The following LIPI variants were observed in gnomAD, a reference collection of about 807,000 sequenced individuals.
LIPI encodes lipase I.
A neutral mutation model predicts 50.6 loss-of-function variants in LIPI; 59 were observed. The ratio of observed to expected loss-of-function variants is 1.16; its 90% confidence interval spans 0.94 to 1.45. LIPI has a LOEUF of 1.45. LIPI is among the 40% of genes most tolerant of loss of function. The probability of loss-of-function intolerance (pLI) is 0.00; values close to 1 mark genes in which losing one functional copy is unlikely to be tolerated. For synonymous variants in LIPI, 203 were observed against 178.2 expected, an observed-to-expected ratio of 1.14 and a Z score of -1.11; for missense variants, 586 against 536.3, an observed-to-expected ratio of 1.09 and a Z score of -0.92.
chr21:14,147,960 A>C (rs990636175), intron 8 of LIPI, among the ~76,000 whole-genome samples: 1 of 151,930 alleles, frequency 6.6e-6, no homozygotes, highest in African/African-American at 2.4e-5. Flanking sequence ...GCTCCCTCTA[A>C]TCTCTCCATT....
At chr21:14,140,500 G>C (rs1286500914) in intron 9 of LIPI, among the ~76,000 whole-genome samples, 2 of 151,874 alleles carry the variant, frequency 1.3e-5, no homozygotes, top group South Asian at 4.1e-4. Context: ...TTTTAATTTT[G>C]TATATTTGTA....
intron 9 of LIPI, among the ~76,000 whole-genome samples, chr21:14,125,629 C>G (rs192424772): frequency 1.7e-4 from 26 of 152,330 alleles, no homozygotes; most frequent in Admixed American, 4.6e-4. Context: ...GCGATCTCTG[C>G]TCACTGCAAC....
At chr21:14,141,769 T>C (rs1004291526) in intron 9 of LIPI, among the ~76,000 whole-genome samples, 1 of 152,234 alleles carries the variant, frequency 6.6e-6, no homozygotes, top group Non-Finnish European at 1.5e-5. Flanking sequence ...ACTAAATTTC[T>C]GTTTCTCATC....
At chr21:14,170,698 A>C (rs1292788547) in intron 4 of LIPI, among the ~76,000 whole-genome samples, 1 of 152,104 alleles carries the variant, frequency 6.6e-6, no homozygotes, top group Non-Finnish European at 1.5e-5. Flanking sequence ...TAAATTAGGT[A>C]TTGATGGGAT....
intron 9 of LIPI, among the ~76,000 whole-genome samples, chr21:14,135,648 C>T (rs7278182): frequency 0.027 from 4,150 of 152,256 alleles, 184 homozygotes; most frequent in African/African-American, 0.091. Flanking sequence ...ATCCCAGTAG[C>T]CTAAACTTTA....
intron 1 of LIPI, among the ~76,000 whole-genome samples, chr21:14,205,755 A>ATT (rs1428573839): frequency 6.6e-6 from 1 of 152,120 alleles, no homozygotes; most frequent in Non-Finnish European, 1.5e-5. Flanking sequence ...ACTTCAGTTA[A>ATT]TTAAGAATAA....
At chr21:14,117,797 A>G (rs146219122) in intron 9 of LIPI, among the ~76,000 whole-genome samples, 1 of 152,284 alleles carries the variant, frequency 6.6e-6, no homozygotes, top group East Asian at 1.9e-4. Context: ...AACATTCCCC[A>G]GCTTATCCAG....
At chr21:14,181,912 CA>C (rs2019285667) in intron 3 of LIPI, 53 bp from the exon 4 acceptor site, 1 of 907,102 alleles carries the variant, frequency 1.1e-6, no homozygotes. Context: ...GAGCTCCTTA[CA>C]TTGCATACTT....
intron 1 of LIPI, among the ~76,000 whole-genome samples, chr21:14,200,724 C>T (rs960343361): frequency 1.3e-5 from 2 of 151,794 alleles, no homozygotes; most frequent in Non-Finnish European, 2.9e-5. Context: ...TCCTATTAAA[C>T]TACCATTGAG....
intron 9 of LIPI, among the ~76,000 whole-genome samples, chr21:14,124,526 C>T (rs2016982734): frequency 6.6e-6 from 1 of 152,110 alleles, no homozygotes. Context: ...TCCTGCTTCA[C>T]CTCTCTAGGG....
intron 7 of LIPI, among the ~76,000 whole-genome samples, chr21:14,155,333 G>A (rs1396777812): frequency 6.6e-6 from 1 of 151,858 alleles, no homozygotes; most frequent in Non-Finnish European, 1.5e-5. Flanking sequence ...AAAGCCTCAG[G>A]GATCTGTGGG....
At chr21:14,206,979 A>G in intron 1 of LIPI, 1 of 1,184,478 alleles carries the variant, frequency 8.4e-7, no homozygotes, top group East Asian at 2.4e-5. Flanking sequence ...TATAATAAGA[A>G]GGAAGACCCT....
chr21:14,187,196 C>T (rs2019485499), intron 2 of LIPI, among the ~76,000 whole-genome samples: 1 of 152,070 alleles, frequency 6.6e-6, no homozygotes, highest in Non-Finnish European at 1.5e-5. Context: ...GTCTGAATAC[C>T]TCTTAGTCTC....
At chr21:14,177,702 C>T (rs1342477126) in intron 4 of LIPI, among the ~76,000 whole-genome samples, 3 of 152,010 alleles carry the variant, frequency 2.0e-5, no homozygotes, top group Non-Finnish European at 1.5e-5. Flanking sequence ...CATTTATCAC[C>T]CAAAATCATA....
chr21:14,178,172 T>G (rs2019156758), intron 4 of LIPI, among the ~76,000 whole-genome samples: 1 of 152,168 alleles, frequency 6.6e-6, no homozygotes, highest in African/African-American at 2.4e-5. Flanking sequence ...GAGATTAATC[T>G]TTATTATTTT....
At chr21:14,191,592 A>G (rs1408094791) in intron 1 of LIPI, among the ~76,000 whole-genome samples, 4 of 152,152 alleles carry the variant, frequency 2.6e-5, no homozygotes, top group Admixed American at 2.0e-4. Flanking sequence ...AACTAAGTAT[A>G]TTCTATACAA....
chr21:14,170,436 C>T (rs2018854588), intron 4 of LIPI, among the ~76,000 whole-genome samples: 1 of 152,142 alleles, frequency 6.6e-6, no homozygotes, highest in South Asian at 2.1e-4. Flanking sequence ...GACCAATATC[C>T]TTGATGAACA....
At chr21:14,196,108 C>T (rs1490183590) in intron 1 of LIPI, among the ~76,000 whole-genome samples, 1 of 135,438 alleles carries the variant, frequency 7.4e-6, no homozygotes, top group African/African-American at 2.7e-5. Flanking sequence ...GTCCTTACCA[C>T]ATTTACGAGT....
At chr21:14,155,555 A>C (rs1041957382) in intron 7 of LIPI, among the ~76,000 whole-genome samples, 1 of 152,006 alleles carries the variant, frequency 6.6e-6, no homozygotes, top group Non-Finnish European at 1.5e-5. Context: ...ACAAAGAAAT[A>C]AAAGTCTTGA....
Sources: allele counts gnomAD v4.1 joint callset (sites outside exome capture counted in the v4.1 genomes callset), GRCh38; gene constraint gnomAD v4.1.1; transcripts MANE v1.5; gene names NCBI Gene and HGNC (gene_info 2026-07-23, HGNC 2026-07-21).